DIPK1A: variants seen among roughly 807,000 people sequenced by gnomAD.
DIPK1A encodes family with sequence similarity 69 member A.
A neutral mutation model predicts 40.8 loss-of-function variants in DIPK1A; 27 were observed. The ratio of observed to expected loss-of-function variants is 0.66; its 90% confidence interval spans 0.49 to 0.91. The LOEUF is 0.91. Ranked by LOEUF, DIPK1A falls within the 40% of genes least tolerant of loss-of-function variation. The pLI is 0.00. For synonymous variants in DIPK1A, 166 were observed against 171.3 expected, an observed-to-expected ratio of 0.97 and a Z score of 0.24; for missense variants, 412 against 505.7, an observed-to-expected ratio of 0.81 and a Z score of 1.78.
At chr1:92,861,758 A>G (rs1647281698) in intron 2 of DIPK1A, among the ~76,000 whole-genome samples, 1 of 150,458 alleles carries the variant, frequency 6.6e-6, no homozygotes, top group South Asian at 2.1e-4. Flanking sequence ...CTCTCTTCAT[A>G]TTTTCCTCCT....
At chr1:92,833,400 AGTT>A in intron 4 of DIPK1A, 1 of 1,613,142 alleles carries the variant, frequency 6.2e-7, no homozygotes, top group Non-Finnish European at 8.5e-7. Context: ...GGTTTGTTAA[AGTT>A]GTTAAGAATA....
intron 1 of DIPK1A, among the ~76,000 whole-genome samples, chr1:92,950,510 A>C (rs1480844099): frequency 1.3e-5 from 2 of 152,254 alleles, no homozygotes; most frequent in Admixed American, 1.3e-4. Flanking sequence ...TGAAAGGGTT[A>C]GACTGGGCTA....
At chr1:92,953,188 G>A (rs976072279) in intron 1 of DIPK1A, among the ~76,000 whole-genome samples, 7 of 151,358 alleles carry the variant, frequency 4.6e-5, no homozygotes, top group Non-Finnish European at 1.0e-4. Flanking sequence ...TCAGGAAAGT[G>A]AATAAAAACT....
intron 1 of DIPK1A, among the ~76,000 whole-genome samples, chr1:92,946,451 G>A (rs2100901190): frequency 6.6e-6 from 1 of 152,262 alleles, no homozygotes; most frequent in East Asian, 1.9e-4. Flanking sequence ...TTCTAAAAAA[G>A]GGGAGAGTCA....
intron 1 of DIPK1A, among the ~76,000 whole-genome samples, chr1:92,928,851 A>G (rs957326369): frequency 2.0e-5 from 3 of 152,146 alleles, no homozygotes; most frequent in Non-Finnish European, 4.4e-5. Flanking sequence ...AATCCCAGCT[A>G]CTCAGGAGGC....
chr1:92,928,839 G>C (rs540299314), intron 1 of DIPK1A, among the ~76,000 whole-genome samples: 93 of 152,252 alleles, frequency 6.1e-4, no homozygotes, highest in African/African-American at 2.0e-3. Flanking sequence ...GTGCATGCTT[G>C]TAATCCCAGC....
chr1:92,885,795 C>T (rs938392973), intron 1 of DIPK1A, among the ~76,000 whole-genome samples: 1 of 152,092 alleles, frequency 6.6e-6, no homozygotes, highest in Non-Finnish European at 1.5e-5. Context: ...TTCCATCCTT[C>T]TTATTGAAAT....
chr1:92,961,374 A>C lies in DIPK1A; in HGVS notation c.54+2T>G. ...CTGGTGGCTGGGCGGCCGCCGGCCT[A>C]CCTGGAGGTAATAGGGTTTCCTTAG... On this transcript the variant is annotated splice_donor_variant, in intron 1 of 4. Transcript: ENST00000370310. LOFTEE classifies it high-confidence loss of function. 1 of 1,517,380 alleles carries C rather than the reference A, an allele frequency of 6.6e-7. No individual in the cohort carries two copies. The highest frequency in any genetic ancestry group is 8.9e-7 in the Non-Finnish European group (1 of 1,129,196). The allele number at this position is 1,517,380 out of a possible 1,614,324, so 94.0% of individuals were successfully genotyped here. A position where few individuals can be genotyped will look rare whatever the true frequency, so the allele number is the denominator to read the frequency against.
intron 1 of DIPK1A, among the ~76,000 whole-genome samples, chr1:92,926,863 T>G (rs974438335): frequency 6.6e-6 from 1 of 152,264 alleles, no homozygotes; most frequent in African/African-American, 2.4e-5. Context: ...CCCATCCTTT[T>G]ACTTTGAAGC....
intron 1 of DIPK1A, among the ~76,000 whole-genome samples, chr1:92,929,417 A>G (rs1206590142): frequency 6.6e-6 from 1 of 152,154 alleles, no homozygotes; most frequent in African/African-American, 2.4e-5. Context: ...CCCCACACAT[A>G]TGAAGGAATT....
At chr1:92,888,468 A>G (rs1178656500) in intron 1 of DIPK1A, among the ~76,000 whole-genome samples, 1 of 152,134 alleles carries the variant, frequency 6.6e-6, no homozygotes, top group African/African-American at 2.4e-5. Context: ...TATCTTGGCT[A>G]TTGTGAATAG....
At chr1:92,884,839 G>A (rs1487606244) in intron 1 of DIPK1A, among the ~76,000 whole-genome samples, 1 of 152,102 alleles carries the variant, frequency 6.6e-6, no homozygotes, top group Non-Finnish European at 1.5e-5. Flanking sequence ...TTACTTCTAA[G>A]GACTTACAAG....
At chr1:92,890,914 T>C (rs1648842208) in intron 1 of DIPK1A, among the ~76,000 whole-genome samples, 1 of 152,206 alleles carries the variant, frequency 6.6e-6, no homozygotes, top group South Asian at 2.1e-4. Context: ...TCTGGTAGAA[T>C]TCTGCAGTGG....
chr1:92,928,419 TAAGAA>T (rs1393445118), intron 1 of DIPK1A, among the ~76,000 whole-genome samples: 14 of 152,228 alleles, frequency 9.2e-5, no homozygotes, highest in African/African-American at 1.4e-4. Flanking sequence ...TTGAAGAAAT[TAAGAA>T]AATAATCTAT....
chr1:92,834,714 A>G (rs1687047532), intron 4 of DIPK1A: 3 of 1,598,664 alleles, frequency 1.9e-6, no homozygotes, highest in South Asian at 1.1e-5. Flanking sequence ...CCCTTGAAAA[A>G]TAATTAAGAT....
chr1:92,938,534 CAATT>C (rs1651034266), intron 1 of DIPK1A, among the ~76,000 whole-genome samples: 1 of 145,632 alleles, frequency 6.9e-6, no homozygotes, highest in Non-Finnish European at 1.5e-5. Flanking sequence ...CAAAGACAGA[CAATT>C]AATCTGAAAG....
chr1:92,948,449 C>CT (rs11447237), intron 1 of DIPK1A, among the ~76,000 whole-genome samples: 4,157 of 151,652 alleles, frequency 0.027, 166 homozygotes, highest in African/African-American at 0.09. Context: ...AGGTAATTAA[C>CT]TTTTTTCTTT....
At chr1:92,841,660 A>G, downstream of DIPK1A, 1 of 662,104 alleles carries the variant, frequency 1.5e-6, no homozygotes, top group Non-Finnish European at 2.3e-6. Context: ...CTGATTGCAA[A>G]GTCTTAAATA....
At chr1:92,834,111 G>C (rs1687023340) in intron 4 of DIPK1A, among the ~76,000 whole-genome samples, 1 of 152,156 alleles carries the variant, frequency 6.6e-6, no homozygotes, top group East Asian at 1.9e-4. Context: ...TTATGTGTGT[G>C]GGGTGGGGAG....
Sources: allele counts gnomAD v4.1 joint callset (sites outside exome capture counted in the v4.1 genomes callset), GRCh38; gene constraint gnomAD v4.1.1; transcripts MANE v1.5; gene names NCBI Gene and HGNC (gene_info 2026-07-23, HGNC 2026-07-21).